The following BSN variants were observed in gnomAD, a reference collection of about 807,000 sequenced individuals.
The protein encoded by BSN is protein bassoon.
BSN carries 57 observed loss-of-function variants against 264.8 expected under a neutral mutation model. The observed-to-expected ratio is 0.22, with a 90% CI of 0.17 to 0.27. The LOEUF is 0.27. BSN is among the 10% of genes least tolerant of loss of function. BSN has a pLI of 1.00. For synonymous variants in BSN, 2,059 were observed against 2,137.3 expected (o/e 0.96, Z 1.01); for missense variants, 4,615 against 5,232.5 (o/e 0.88, Z 3.64).
chr3:49,595,795 A>G (rs1309023271), intron 1 of BSN, among the ~76,000 whole-genome samples: 1 of 151,922 alleles, frequency 6.6e-6, no homozygotes, highest in Non-Finnish European at 1.5e-5. Flanking sequence ...TTTATTTTGT[A>G]TCCTGCAACC....
Position 49,670,885 on chromosome 3 carries a change from G to T in BSN, c.*3400G>T. 6.6e-6 allele frequency: 1 copy of T among 152,214 alleles called. No homozygotes were observed. The highest frequency in any genetic ancestry group is 1.9e-4 in the East Asian group (1 of 5,192). The allele number at this position is 152,214 out of a possible 1,614,324, so 9.4% of individuals were successfully genotyped here. A position where few individuals can be genotyped will look rare whatever the true frequency, so the allele number is the denominator to read the frequency against. ...AGCCTGTAGGGAGTTTTCCAGGCAG[G>T]TCCTTTGCCAGGACAGCATGGTCCT... On this transcript the variant is annotated 3_prime_UTR_variant, in exon 12 of 12. Coordinates refer to ENST00000296452, the MANE Select transcript of BSN (RefSeq NM_003458.4).
chr3:49,653,530 C>T lies in BSN; in HGVS notation c.3974C>T (p.Thr1325Ile), dbSNP rs574877656. The T allele has an allele frequency of 8.1e-6, 13 of 1,613,916 alleles. No homozygotes were observed. In the South Asian group the frequency reaches 9.9e-5, roughly 12 times the overall value. Residue 1325 changes from threonine to isoleucine, a missense_variant, in exon 5 of 12, where the codon ACC becomes ATC. Transcript: ENST00000296452. This position sits in a 1 kb window ranked among gnomAD's most constrained non-coding sequence, Gnocchi z 6.3. ...CTCGCTGCCCCTGTGTCCTTCTCTA[C>T]CCCCACCTCCTCAGACAGCAGCGGG... The part of the protein sequence containing the change: ...TQLAAPVSFS[T>I]PTSSDSSGGR...
chr3:49,616,462 G>A (rs941753543), intron 1 of BSN, among the ~76,000 whole-genome samples: 4 of 152,336 alleles, frequency 2.6e-5, no homozygotes, highest in Middle Eastern at 3.4e-3. Flanking sequence ...TGAAGCTGTG[G>A]GGCTCTTCTG....
intron 1 of BSN, among the ~76,000 whole-genome samples, chr3:49,566,076 C>T (rs1396037576): frequency 1.3e-5 from 2 of 152,194 alleles, no homozygotes; most frequent in Admixed American, 1.3e-4. Context: ...CTGCCTACCT[C>T]GGCCTCCCAA....
intron 1 of BSN, among the ~76,000 whole-genome samples, chr3:49,579,909 T>C (rs1258135073): frequency 6.6e-6 from 1 of 151,172 alleles, no homozygotes; most frequent in Non-Finnish European, 1.5e-5. Flanking sequence ...TTAATTGATT[T>C]TTTAGATGTT....
intron 3 of BSN, among the ~76,000 whole-genome samples, chr3:49,650,266 C>CCCTCAGATTGAGA (rs1249706903): frequency 6.6e-6 from 1 of 152,242 alleles, no homozygotes; most frequent in African/African-American, 2.4e-5. Flanking sequence ...GCCGTTTGCT[C>CCCTCAGATTGAGA]CCTCAGATTG....
At chr3:49,624,773 A>T (rs1329960429) in intron 1 of BSN, among the ~76,000 whole-genome samples, 2 of 152,146 alleles carry the variant, frequency 1.3e-5, no homozygotes, top group African/African-American at 4.8e-5. Context: ...ATCCTGCCTC[A>T]TGCCCTGGTG....
At chr3:49,632,546 G>T (rs1219332371) in intron 2 of BSN, among the ~76,000 whole-genome samples, 1 of 152,180 alleles carries the variant, frequency 6.6e-6, no homozygotes, top group Non-Finnish European at 1.5e-5. Flanking sequence ...GCTCATGCCT[G>T]TAATCCCAGG....
rs757694049 is a variant in BSN at position 49,654,262 on chromosome 3, C to G, written c.4706C>G (p.Thr1569Ser). The G allele has an allele frequency of 8.7e-6, 14 of 1,612,992 alleles. No homozygotes were observed. Among genetic ancestry groups the G allele is most frequent in the Non-Finnish European group, 1.2e-5 (14 of 1,179,646 alleles). ...ITLASDASSQ[T>S]RMVHASASTS... ...CTGGCATCTGACGCCTCCAGCCAGA[C>G]CAGGATGGTACATGCCAGTGCCTCC... The change falls in exon 5 of 12, where the codon ACC becomes AGC. Residue 1569 changes from threonine (T) to serine (S), a missense_variant. Around this residue, in one of 3 missense-constraint regions of BSN, gnomAD observed 3,415 missense variants for 3,866.4 expected, o/e 0.88. Transcript: ENST00000296452. This position sits in a 1 kb window ranked among gnomAD's most constrained non-coding sequence, Gnocchi z 4.1.
rs776086478 is a variant in BSN at position 49,652,061 on chromosome 3, A to G, written c.2505A>G (p.Ala835=). 19 of 1,609,616 alleles carry G rather than the reference A, an allele frequency of 1.2e-5. No individual in the cohort carries two copies. In the Admixed American group the frequency reaches 3.2e-4, roughly 27 times the overall value. The change falls in exon 5 of 12, where the codon GCA becomes GCG. Residue 835 remains alanine (A), a synonymous_variant. Coordinates refer to ENST00000296452, the MANE Select transcript of BSN (RefSeq NM_003458.4). ...CACCCCAGCCCCCAGCCCGGGCAGC[A>G]GAACTGACTGATGAGGATTTCATGC... ...PLPPQPPARA[A]ELTDEDFMRR...
chr3:49,673,074 C>G, downstream of BSN, among the ~76,000 whole-genome samples: 1 of 77,462 alleles, frequency 1.3e-5, no homozygotes, highest in Admixed American at 1.5e-4. Flanking sequence ...CCACCGCGCC[C>G]GGCCGGCCGG....
chr3:49,579,072 C>T (rs1053400671), intron 1 of BSN, among the ~76,000 whole-genome samples: 4 of 152,004 alleles, frequency 2.6e-5, no homozygotes, highest in Non-Finnish European at 5.9e-5. Context: ...ACTGTAACCT[C>T]AAACTCCTGG....
intron 1 of BSN, among the ~76,000 whole-genome samples, chr3:49,617,283 TTATATATATA>T (rs6147817): frequency 3.7e-4 from 45 of 122,086 alleles, no homozygotes; most frequent in African/African-American, 1.1e-3. Context: ...ATAAAATACA[TTATATATATA>T]TATATATATA....
In BSN at chr3:49,654,431, G is replaced by GC; in HGVS notation, c.4879dup (p.Leu1627ProfsTer12). 6.2e-7 allele frequency: 1 copy of GC among 1,600,512 alleles called. No homozygotes were observed. The highest frequency in any genetic ancestry group is 8.5e-7 in the Non-Finnish European group (1 of 1,174,156). On this transcript the variant is annotated frameshift_variant, in exon 5 of 12. Coordinates refer to ENST00000296452, the MANE Select transcript of BSN (RefSeq NM_003458.4). LOFTEE classifies it high-confidence loss of function. This position sits in a 1 kb window ranked among gnomAD's most constrained non-coding sequence, Gnocchi z 4.1. Reference sequence around the variant, plus strand: ...GGGTGCCCAGTGCTGGTGCAGATGGGCCCCTGGCACTATATGGCTGGGGTG... The same window carrying GC: ...GGGTGCCCAGTGCTGGTGCAGATGGGCCCCCTGGCACTATATGGCTGGGGTG...
At chr3:49,643,915 C>T (rs1283004127) in intron 3 of BSN, among the ~76,000 whole-genome samples, 1 of 152,126 alleles carries the variant, frequency 6.6e-6, no homozygotes. Context: ...AGCAGGAGGC[C>T]CAGTGTAAGG....
chr3:49,589,526 A>C (rs1310425805), intron 1 of BSN, among the ~76,000 whole-genome samples: 1 of 90,538 alleles, frequency 1.1e-5, no homozygotes, highest in Non-Finnish European at 2.3e-5. Context: ...TTTTTTTTTG[A>C]GATGGAGTCT....
rs139059597 is a variant in BSN, at chr3:49,661,048, G to A, written c.9203G>A (p.Gly3068Asp). 1.2e-6 allele frequency: 2 copies of A among 1,611,500 alleles called. No homozygotes were observed. The highest frequency in any genetic ancestry group is 2.7e-5 in the African/African-American group (2 of 74,876). ...PPAPQYSAGS[G>D]GPTQNGFPAH... ...GCCCCACAGTATTCTGCAGGCAGTG[G>A]TGGGCCAACTCAGAACGGATTCCCA... The change falls in exon 6 of 12, where the codon GGT becomes GAT. Residue 3068 changes from glycine to aspartate, a missense_variant. Physicochemically the swap from Gly to Asp is moderately conservative, Grantham distance 94. This residue lies in a region of BSN where 3,415 missense variants were observed against 3,866.4 expected (regional missense o/e 0.88). Coordinates refer to ENST00000296452, the MANE Select transcript of BSN (RefSeq NM_003458.4).
Position 49,660,921 on chromosome 3 carries a change from A to G in BSN, c.9076A>G (p.Thr3026Ala), listed in dbSNP as rs2052648296. 3 of 1,612,054 alleles carry G rather than the reference A, an allele frequency of 1.9e-6. No individual in the cohort carries two copies. The highest frequency in any genetic ancestry group is 2.5e-6 in the Non-Finnish European group (3 of 1,179,944). ...CAACCAGCTGCGGCTCCAGGGCTGC[A>G]CCACTCCCGCTGGCCAGTTTGTGGA... Reference protein sequence around the residue: ...ELNQLRLQGCTTPAGQFVDFP... With the variant: ...ELNQLRLQGCATPAGQFVDFP... The change falls in exon 6 of 12, where the codon ACC (threonine) becomes GCC (alanine). Residue 3026 changes from threonine to alanine, a missense_variant. By Grantham distance (58) the Thr-to-Ala change is moderately conservative. Coordinates refer to ENST00000296452, the MANE Select transcript of BSN (RefSeq NM_003458.4). The surrounding 1 kb of genome is among the most constrained non-coding windows in gnomAD (Gnocchi z 7.1).
In BSN at chr3:49,623,387, C is replaced by T. The variant is rs1295961393; in HGVS notation, c.225-1588C>T. 3.9e-5 allele frequency among the ~76,000 whole-genome samples: 6 copies of T among 152,314 alleles called. No individual in the cohort carries two copies. In the East Asian group the frequency reaches 7.7e-4, roughly 20 times the overall value. ...AAGCAGTATAAAGCATTGTCTTTGG[C>T]TTTTTGTGCTCATCCTCTTTCAAAC... On this transcript the variant is annotated intron_variant, in intron 1 of 11. Coordinates refer to ENST00000296452, the MANE Select transcript of BSN (RefSeq NM_003458.4).
Sources: allele counts gnomAD v4.1 joint callset (sites outside exome capture counted in the v4.1 genomes callset), GRCh38; gene constraint gnomAD v4.1.1; regional missense constraint gnomAD v4.1.1; non-coding constraint Gnocchi (gnomAD v3.1); transcripts MANE v1.5; gene names NCBI Gene and HGNC (gene_info 2026-07-23, HGNC 2026-07-21).